The following CMTM4 variants were observed in gnomAD, a reference collection of about 807,000 sequenced individuals.
CMTM4 encodes the protein CKLF like MARVEL transmembrane domain containing 4.
Under a neutral mutation model 19.0 loss-of-function variants are expected in CMTM4, and 8 were observed. The observed-to-expected ratio is 0.42, with a 90% confidence interval of 0.25 to 0.76. CMTM4 has a LOEUF of 0.76. Ranked by LOEUF, CMTM4 falls within the 30% of genes least tolerant of loss-of-function variation. The pLI is 0.27. For missense variants in CMTM4, 228 were observed against 290.2 expected (o/e 0.79, Z 1.56); for synonymous variants, 106 against 121.1 (o/e 0.88, Z 0.82).
At chr16:66,651,583 C>T (rs985850436) in intron 1 of CMTM4, among the ~76,000 whole-genome samples, 2 of 152,120 alleles carry the variant, frequency 1.3e-5, no homozygotes, top group African/African-American at 4.8e-5. Flanking sequence ...AGATAAGATG[C>T]CTAACATATG....
chr16:66,689,345 T>C (rs1323729628), intron 1 of CMTM4, among the ~76,000 whole-genome samples: 1 of 152,224 alleles, frequency 6.6e-6, no homozygotes. Context: ...GCATTTATTA[T>C]GGAAAAGTAC....
chr16:66,686,574 C>T (rs2017037278), intron 1 of CMTM4, among the ~76,000 whole-genome samples: 1 of 149,224 alleles, frequency 6.7e-6, no homozygotes, highest in Admixed American at 6.7e-5. Context: ...AAAAGTTCCT[C>T]CAAAGTTGTG....
At chr16:66,657,076 A>G (rs2016409910) in intron 1 of CMTM4, among the ~76,000 whole-genome samples, 1 of 143,726 alleles carries the variant, frequency 7.0e-6, no homozygotes, top group Admixed American at 7.3e-5. Flanking sequence ...AATCAGTGTT[A>G]ATTTCCTGAT....
At chr16:66,609,772 AC>A, downstream of CMTM4, 2 of 1,605,796 alleles carry the variant, frequency 1.2e-6, no homozygotes, top group Non-Finnish European at 1.7e-6. This position sits in a 1 kb window ranked among gnomAD's most constrained non-coding sequence, Gnocchi z 4.4. Context: ...TCTGTGCCTG[AC>A]ACTCGGGCTG....
At position 66,621,950 on chromosome 16, in the gene CMTM4, G is replaced by C. The variant is rs77695496; in HGVS notation, c.*108C>G. On this transcript the variant is annotated 3_prime_UTR_variant, in exon 4 of 4. Transcript: ENST00000394106. ...TTTCCCAAAATGAACTTTTACCAAA[G>C]AGGACAAAATTCAACTGAATCACAT... 9 of 1,459,892 alleles carry C rather than the reference G, an allele frequency of 6.2e-6. No homozygotes were observed. The African/African-American group carries it at 7.1e-5, about 12-fold the overall frequency. The allele number at this position is 1,459,892 out of a possible 1,614,324, so 90.4% of individuals were successfully genotyped here.
chr16:66,630,930 A>G (rs988762533), intron 2 of CMTM4, among the ~76,000 whole-genome samples: 7 of 148,990 alleles, frequency 4.7e-5, no homozygotes, highest in East Asian at 2.0e-4. Flanking sequence ...GGATGTGAGG[A>G]GCGCCTCTGC....
chr16:66,607,689 G>C, the CMTM4 span, among the ~76,000 whole-genome samples: 119 of 152,218 alleles, frequency 7.8e-4, no homozygotes, highest in Non-Finnish European at 1.5e-3. Context: ...ATTTCCCTCC[G>C]CAGGGCACTG....
intron 1 of CMTM4, among the ~76,000 whole-genome samples, chr16:66,675,944 G>A (rs1239776227): frequency 1.3e-5 from 2 of 151,258 alleles, no homozygotes; most frequent in African/African-American, 4.9e-5. Context: ...TTGTAACCTC[G>A]TACTCCCAGT....
chr16:66,606,634 C>G, the CMTM4 span, among the ~76,000 whole-genome samples: 113 of 152,278 alleles, frequency 7.4e-4, 2 homozygotes, highest in South Asian at 0.011. Context: ...TGTTCAAACG[C>G]AGCCACAGTG....
intron 1 of CMTM4, among the ~76,000 whole-genome samples, chr16:66,664,618 G>A (rs1203087288): frequency 1.3e-5 from 2 of 151,942 alleles, no homozygotes; most frequent in African/African-American, 4.8e-5. Context: ...TTATAATTAT[G>A]TGTATGTATA....
rs567932622 is a variant in CMTM4 at position 66,621,940 on chromosome 16, T to G, written c.*118A>C. 2.6e-5 allele frequency: 38 copies of G among 1,453,076 alleles called. No individual in the cohort carries two copies. The highest frequency in any genetic ancestry group is 3.4e-5 in the Non-Finnish European group (37 of 1,101,448). 90.0% of individuals were successfully genotyped at this position (1,453,076 alleles called of 1,614,324 possible). On this transcript the variant is annotated 3_prime_UTR_variant, in exon 4 of 4. Coordinates refer to ENST00000394106, the MANE Select transcript of CMTM4 (RefSeq NM_181521.3). ...CGGGAAACCCTTTCCCAAAATGAAC[T>G]TTTACCAAAGAGGACAAAATTCAAC...
At chr16:66,683,149 A>ACATG (rs1222350901) in intron 1 of CMTM4, among the ~76,000 whole-genome samples, 3 of 127,242 alleles carry the variant, frequency 2.4e-5, no homozygotes, top group South Asian at 2.7e-4. Context: ...ATATATATGT[A>ACATG]TATATATATA....
intron 1 of CMTM4, among the ~76,000 whole-genome samples, chr16:66,694,712 CAAAAAA>C (rs752909314): frequency 2.3e-5 from 1 of 44,354 alleles, no homozygotes; most frequent in Admixed American, 2.5e-4. Flanking sequence ...GACTCCATCT[CAAAAAA>C]AAAAAAAAAA....
At chr16:66,602,134 C>T in the CMTM4 span, among the ~76,000 whole-genome samples, 4 of 152,226 alleles carry the variant, frequency 2.6e-5, no homozygotes, top group East Asian at 1.9e-4. Context: ...CGGTGGCTCA[C>T]GCCTGTAATC....
At chr16:66,603,970 G>C in the CMTM4 span, 1 of 152,600 alleles carries the variant, frequency 6.6e-6, no homozygotes, top group Non-Finnish European at 1.5e-5. Flanking sequence ...GGCACAGGAA[G>C]CTGGGTCTTG....
At chr16:66,667,995 G>C (rs1426084750) in intron 1 of CMTM4, among the ~76,000 whole-genome samples, 1 of 151,294 alleles carries the variant, frequency 6.6e-6, no homozygotes, top group African/African-American at 2.4e-5. Flanking sequence ...TGAGTTTTTT[G>C]TTTGTTTGTT....
At chr16:66,613,117 A>G (rs534442600), downstream of CMTM4, 5 of 702,918 alleles carry the variant, frequency 7.1e-6, no homozygotes, top group Non-Finnish European at 1.3e-5. Flanking sequence ...CACTTTGGTG[A>G]CAATGACCCT....
At chr16:66,684,197 GA>G (rs1315907630) in intron 1 of CMTM4, among the ~76,000 whole-genome samples, 1 of 152,054 alleles carries the variant, frequency 6.6e-6, no homozygotes, top group Non-Finnish European at 1.5e-5. Context: ...TTTTGAGACA[GA>G]ATCTCCCTCT....
chr16:66,625,629 T>G (rs1214187374), intron 2 of CMTM4, among the ~76,000 whole-genome samples: 1 of 152,034 alleles, frequency 6.6e-6, no homozygotes, highest in Non-Finnish European at 1.5e-5. Flanking sequence ...AAAATAATCT[T>G]TCAACATGAT....
Sources: gnomAD v4.1 joint callset for allele counts (sites outside exome capture counted in the v4.1 genomes callset) on GRCh38, gnomAD v4.1.1 for gene constraint, Gnocchi (gnomAD v3.1) non-coding constraint, MANE v1.5 for transcripts, NCBI Gene and HGNC (gene_info 2026-07-23, HGNC 2026-07-21) for gene names.